The following USP15 variants were observed in gnomAD, a reference collection of about 807,000 sequenced individuals.
USP15 encodes ubiquitin carboxyl-terminal hydrolase 15.
In USP15, 18 loss-of-function variants were observed where a neutral mutation model predicts 127.1. That is an observed-to-expected ratio of 0.14 (90% CI 0.10 to 0.21). The LOEUF (loss-of-function observed/expected upper bound fraction) is 0.21. Among genes scored for constraint, USP15 ranks in the 10% least tolerant of loss-of-function variants. The pLI is 1.00. For synonymous variants in USP15, 364 were observed against 393.7 expected, an observed-to-expected ratio of 0.92 and a Z score of 0.89; for missense variants, 805 against 1,159.9, an observed-to-expected ratio of 0.69 and a Z score of 4.44.
intron 1 of USP15, among the ~76,000 whole-genome samples, chr12:62,261,764 A>C (rs531844262): frequency 6.6e-6 from 1 of 152,118 alleles, no homozygotes; most frequent in Non-Finnish European, 1.5e-5. Context: ...TATTGGGATC[A>C]TTTTCAGTTA....
At chr12:62,299,495 G>A (rs1254657330) in intron 2 of USP15, among the ~76,000 whole-genome samples, 2 of 152,156 alleles carry the variant, frequency 1.3e-5, no homozygotes, top group African/African-American at 4.8e-5. Flanking sequence ...GCATGAATCA[G>A]TACTTGATTT....
At chr12:62,367,186 C>T (rs1012251933) in intron 8 of USP15, among the ~76,000 whole-genome samples, 7 of 151,848 alleles carry the variant, frequency 4.6e-5, no homozygotes, top group Non-Finnish European at 8.8e-5. Flanking sequence ...GGTAGGTAGA[C>T]TATTAATTAC....
chr12:62,354,120 GGT>G (rs144332465), intron 7 of USP15, among the ~76,000 whole-genome samples: 34 of 149,602 alleles, frequency 2.3e-4, no homozygotes, highest in Non-Finnish European at 4.0e-4. Context: ...CTCTGGGGGT[GGT>G]GTGTGTGTGT....
chr12:62,285,486 G>C (rs1037383728), intron 1 of USP15, among the ~76,000 whole-genome samples: 1 of 151,462 alleles, frequency 6.6e-6, no homozygotes, highest in Non-Finnish European at 1.5e-5. Context: ...GTGTATGTGT[G>C]TGTGTACATG....
intron 5 of USP15, among the ~76,000 whole-genome samples, chr12:62,325,279 A>G (rs2065095747): frequency 6.6e-6 from 1 of 152,008 alleles, no homozygotes; most frequent in South Asian, 2.1e-4. Flanking sequence ...AGAGAACTTC[A>G]GTCTGATTCT....
intron 8 of USP15, among the ~76,000 whole-genome samples, chr12:62,378,463 T>C (rs779114384): frequency 6.6e-6 from 1 of 152,204 alleles, no homozygotes; most frequent in South Asian, 2.1e-4. Context: ...CATTTAGGAC[T>C]AAATAGCTTA....
chr12:62,329,554 G>A (rs182674916), intron 6 of USP15, among the ~76,000 whole-genome samples: 1 of 148,636 alleles, frequency 6.7e-6, no homozygotes, highest in East Asian at 1.9e-4. Flanking sequence ...AAAACCTAAA[G>A]GGAATAATAC....
intron 6 of USP15, chr12:62,335,764 C>T (rs1369876728): frequency 3.0e-6 from 3 of 985,356 alleles, no homozygotes; most frequent in Non-Finnish European, 3.6e-6. Context: ...ATGTTGCTTG[C>T]CACCCATTCA....
intron 7 of USP15, among the ~76,000 whole-genome samples, chr12:62,352,769 G>C (rs527567859): frequency 6.6e-6 from 1 of 151,960 alleles, no homozygotes; most frequent in African/African-American, 2.4e-5. Context: ...ATAAAGTCAG[G>C]TGTCAGTGCT....
Position 62,294,271 on chromosome 12 carries a change from A to T in USP15, c.182A>T (p.Tyr61Phe). The change falls in exon 2 of 22, where the codon TAT becomes TTT. Residue 61 changes from tyrosine (Y) to phenylalanine (F), a missense_variant. By Grantham distance (22) the Tyr-to-Phe change is conservative. Transcript: ENST00000280377. ...TACCAGATGGGAGATCAAAATGTGT[A>T]TCCTGGACCCATTGATAACTCTGGA... ...DKYQMGDQNVYPGPIDNSGLL... is the reference protein window; with the variant it reads ...DKYQMGDQNVFPGPIDNSGLL... 1 of 1,612,986 alleles carries T rather than the reference A, an allele frequency of 6.2e-7. No individual in the cohort carries two copies. Among genetic ancestry groups the T allele is most frequent in the Non-Finnish European group, 8.5e-7 (1 of 1,179,616 alleles).
chr12:62,319,895 T>C (rs1047579474), intron 4 of USP15, among the ~76,000 whole-genome samples: 1 of 152,190 alleles, frequency 6.6e-6, no homozygotes, highest in Non-Finnish European at 1.5e-5. Flanking sequence ...GAAACATTTA[T>C]TCATTTTTAT....
In USP15 at chr12:62,408,383, C is replaced by T. The variant is rs991398485; in HGVS notation, c.*4008C>T. ...GCTTGTGCAGTGTAGATGAGCTCAC[C>T]GCTTTAATTTTTAAGATAGAAATGT... On this transcript the variant is annotated 3_prime_UTR_variant, in exon 22 of 22. Transcript: ENST00000280377. 2.6e-5 allele frequency: 4 copies of T among 151,286 alleles called. No individual in the cohort carries two copies. The highest frequency in any genetic ancestry group is 9.7e-5 in the African/African-American group (4 of 41,096). 9.4% of individuals were successfully genotyped at this position (151,286 alleles called of 1,614,324 possible). A position where few individuals can be genotyped will look rare whatever the true frequency, so the allele number is the denominator to read the frequency against.
intron 9 of USP15, among the ~76,000 whole-genome samples, chr12:62,381,904 G>A (rs1316650635): frequency 6.6e-6 from 1 of 151,878 alleles, no homozygotes; most frequent in East Asian, 1.9e-4. Flanking sequence ...CTGGAATGGA[G>A]AGAATAATGA....
At chr12:62,300,366 G>A (rs2064274259) in intron 2 of USP15, among the ~76,000 whole-genome samples, 1 of 151,984 alleles carries the variant, frequency 6.6e-6, no homozygotes, top group Non-Finnish European at 1.5e-5. Context: ...TTTTGCATGT[G>A]GATATTAAGT....
intron 1 of USP15, among the ~76,000 whole-genome samples, chr12:62,293,597 C>G (rs1479412434): frequency 3.3e-5 from 5 of 152,126 alleles, no homozygotes; most frequent in African/African-American, 1.2e-4. Flanking sequence ...CTCAACTGAT[C>G]CACCCACCTC....
intron 6 of USP15, 60 bp from the exon 7 acceptor site, chr12:62,349,161 A>G (rs1427529387): frequency 1.8e-5 from 19 of 1,033,456 alleles, no homozygotes; most frequent in Non-Finnish European, 2.5e-5. Context: ...CTTTTATTTC[A>G]TAATTAATTT....
chr12:62,392,125 T>G (rs1236523887), intron 17 of USP15, 147 bp from the exon 18 acceptor site: 1 of 684,404 alleles, frequency 1.5e-6, no homozygotes, highest in African/African-American at 1.8e-5. Context: ...AGGAATTATT[T>G]AGAAGTATAT....
At chr12:62,326,436 C>T (rs1303137306) in intron 6 of USP15, among the ~76,000 whole-genome samples, 1 of 152,118 alleles carries the variant, frequency 6.6e-6, no homozygotes, top group Non-Finnish European at 1.5e-5. Context: ...GATCTACACT[C>T]CATTATCAAA....
At chr12:62,304,633 T>C in intron 3 of USP15, 1 of 436,044 alleles carries the variant, frequency 2.3e-6, no homozygotes, top group Non-Finnish European at 4.6e-6. Flanking sequence ...GTTAAACATC[T>C]TCCTGTACCT....
Sources: gnomAD v4.1 joint callset for allele counts (sites outside exome capture counted in the v4.1 genomes callset) on GRCh38, gnomAD v4.1.1 for gene constraint, MANE v1.5 for transcripts, NCBI Gene and HGNC (gene_info 2026-07-23, HGNC 2026-07-21) for gene names.